Variants in NAALADL2 observed in about 807,000 individuals in gnomAD.
NAALADL2 encodes the protein N-acetylated alpha-linked acidic dipeptidase like 2.
Under a neutral mutation model 87.2 loss-of-function variants are expected in NAALADL2, and 76 were observed. The ratio of observed to expected loss-of-function variants is 0.87; its 90% CI spans 0.72 to 1.05. NAALADL2 has a LOEUF of 1.05. Ranked by LOEUF, NAALADL2 falls within the 50% of genes least tolerant of loss-of-function variation. The probability of loss-of-function intolerance (pLI) is 0.00; values close to 1 mark genes in which losing one functional copy is unlikely to be tolerated. For missense variants in NAALADL2, 1,089 were observed against 945.8 expected (o/e 1.15, Z -1.99); for synonymous variants, 354 against 331.0 (o/e 1.07, Z -0.75).
intron 6 of NAALADL2, chr3:175,460,293 G>A (rs1359557533): frequency 9.3e-6 from 4 of 431,660 alleles, no homozygotes; most frequent in Admixed American, 7.8e-5. Context: ...TTTATTTTCA[G>A]ATGTGAGTAT....
At position 175,274,326 on chromosome 3, in the gene NAALADL2, C is replaced by T. The variant is rs141385190; in HGVS notation, c.939+17796C>T. On this transcript the variant is annotated intron_variant, in intron 4 of 13. Coordinates refer to ENST00000454872, the MANE Select transcript of NAALADL2 (RefSeq NM_207015.3). ...CTCCCAAGGGCTTCCTCCCACGACA[C>T]GTGGGGATTATTACAATTCAAGGTG... 1.5e-3 allele frequency among the ~76,000 whole-genome samples: 229 copies of T among 152,262 alleles called. 1 individual carries two copies. The highest frequency in any genetic ancestry group is 3.5e-3 in the South Asian group (17 of 4,832).
At chr3:174,552,907 T>C (rs774284985) in intron 2 of NAALADL2, among the ~76,000 whole-genome samples, 43 of 152,024 alleles carry the variant, frequency 2.8e-4, no homozygotes, top group African/African-American at 1.9e-4. Context: ...TTTAACATGC[T>C]TTAATTAGTT....
chr3:174,839,736 T>C (rs1034813948), intron 3 of NAALADL2, among the ~76,000 whole-genome samples: 1 of 151,404 alleles, frequency 6.6e-6, no homozygotes, highest in African/African-American at 2.4e-5. Context: ...CCATCAAACA[T>C]GAAAAACATG....
chr3:175,124,059 C>A (rs186803400), intron 2 of NAALADL2, among the ~76,000 whole-genome samples: 1 of 151,874 alleles, frequency 6.6e-6, no homozygotes, highest in Non-Finnish European at 1.5e-5. Flanking sequence ...TTTTGCCCAT[C>A]TCTTGTGTTT....
At chr3:175,290,903 GT>G (rs143382472) in intron 4 of NAALADL2, among the ~76,000 whole-genome samples, 2 of 151,680 alleles carry the variant, frequency 1.3e-5, no homozygotes, top group Non-Finnish European at 1.5e-5. Flanking sequence ...GTGTGTGCGT[GT>G]TTTTTTTCTA....
chr3:174,937,549 T>A (rs1224560203), intron 1 of NAALADL2, among the ~76,000 whole-genome samples: 1 of 152,100 alleles, frequency 6.6e-6, no homozygotes, highest in African/African-American at 2.4e-5. Context: ...ATGGAGCTAT[T>A]TGTATCTTTC....
At chr3:175,132,920 T>G (rs934204721) in intron 2 of NAALADL2, among the ~76,000 whole-genome samples, 5 of 150,498 alleles carry the variant, frequency 3.3e-5, no homozygotes, top group African/African-American at 1.2e-4. Context: ...GACTCCTCAC[T>G]TCTCAGACGG....
At chr3:175,678,522 C>T (rs1735135036) in intron 11 of NAALADL2, among the ~76,000 whole-genome samples, 1 of 151,914 alleles carries the variant, frequency 6.6e-6, no homozygotes, top group Non-Finnish European at 1.5e-5. Flanking sequence ...GGCACAGATA[C>T]ACCATGGAAT....
chr3:175,349,087 A>T (rs1763458812), intron 5 of NAALADL2, among the ~76,000 whole-genome samples: 1 of 152,112 alleles, frequency 6.6e-6, no homozygotes, highest in African/African-American at 2.4e-5. Context: ...ATGTTGTTGT[A>T]CTATGGATAT....
intron 5 of NAALADL2, among the ~76,000 whole-genome samples, chr3:175,329,220 G>A (rs542671155): frequency 3.9e-4 from 60 of 152,202 alleles, no homozygotes; most frequent in South Asian, 1.9e-3. Context: ...CTGTCTTTCT[G>A]CTACAATCCT....
At chr3:174,534,979 A>G (rs1056566046) in intron 1 of NAALADL2, among the ~76,000 whole-genome samples, 5 of 152,188 alleles carry the variant, frequency 3.3e-5, no homozygotes, top group Admixed American at 6.5e-5. Flanking sequence ...CACTATAGCT[A>G]TTGGCAATAA....
intron 2 of NAALADL2, among the ~76,000 whole-genome samples, chr3:174,625,916 C>CT (rs1271856883): frequency 2.6e-5 from 4 of 152,026 alleles, no homozygotes; most frequent in South Asian, 4.1e-4. Context: ...ATGTTAATAT[C>CT]TTTAAGTTGT....
At chr3:175,772,602 G>A (rs538339319) in intron 13 of NAALADL2, among the ~76,000 whole-genome samples, 34 of 152,190 alleles carry the variant, frequency 2.2e-4, no homozygotes, top group African/African-American at 7.7e-4. Context: ...ACACCAGCGC[G>A]AGCGGACTAA....
At chr3:175,451,618 C>T (rs116246718) in intron 6 of NAALADL2, among the ~76,000 whole-genome samples, 53 of 151,842 alleles carry the variant, frequency 3.5e-4, no homozygotes, top group Non-Finnish European at 6.2e-4. Context: ...TGTAATTTAG[C>T]GTGAAAAATA....
intron 3 of NAALADL2, among the ~76,000 whole-genome samples, chr3:174,778,852 C>T (rs1019920833): frequency 3.9e-5 from 6 of 152,118 alleles, no homozygotes; most frequent in Non-Finnish European, 8.8e-5. Context: ...TGTATATGTG[C>T]CACATTTTCT....
chr3:175,036,624 C>T (rs1560501298), intron 1 of NAALADL2, among the ~76,000 whole-genome samples: 1 of 152,118 alleles, frequency 6.6e-6, no homozygotes, highest in East Asian at 1.9e-4. Context: ...TGGTCTCGAT[C>T]TCCTGACCTC....
At chr3:175,729,448 C>A (rs779428727) in intron 11 of NAALADL2, among the ~76,000 whole-genome samples, 1 of 152,174 alleles carries the variant, frequency 6.6e-6, no homozygotes, top group Admixed American at 6.5e-5. Context: ...AATAGGTAGA[C>A]CAGATTCACA....
At chr3:175,576,658 A>AT (rs1266904524) in intron 10 of NAALADL2, among the ~76,000 whole-genome samples, 2 of 152,050 alleles carry the variant, frequency 1.3e-5, no homozygotes, top group Non-Finnish European at 2.9e-5. Context: ...AGATGGAAGC[A>AT]TTTTTTTCCA....
intron 3 of NAALADL2, among the ~76,000 whole-genome samples, chr3:174,781,771 T>C (rs1716013933): frequency 6.6e-6 from 1 of 151,984 alleles, no homozygotes; most frequent in Admixed American, 6.6e-5. Context: ...CTGGTGACAG[T>C]CATGATTTTG....
Sources: allele counts gnomAD v4.1 joint callset (sites outside exome capture counted in the v4.1 genomes callset), GRCh38; gene constraint gnomAD v4.1.1; transcripts MANE v1.5; gene names NCBI Gene and HGNC (gene_info 2026-07-23, HGNC 2026-07-21).